Variants in FANCL observed in about 807,000 individuals in gnomAD.
The protein encoded by FANCL is FA complementation group L, also known as E3 ubiquitin-protein ligase FANCL.
FANCL carries 69 observed loss-of-function variants against 59.4 expected under a neutral mutation model. The ratio of observed to expected loss-of-function variants is 1.16; its 90% confidence interval spans 0.96 to 1.42. The LOEUF is 1.42. Among genes scored for constraint, FANCL ranks in the 40% most tolerant of loss-of-function variants. The pLI is 0.00. For synonymous variants in FANCL, 180 were observed against 147.1 expected, an observed-to-expected ratio of 1.22 and a Z score of -1.62; for missense variants, 519 against 447.2, an observed-to-expected ratio of 1.16 and a Z score of -1.45.
intron 3 of FANCL, among the ~76,000 whole-genome samples, chr2:58,229,281 T>C (rs1038186665): frequency 1.3e-5 from 2 of 152,124 alleles, no homozygotes; most frequent in African/African-American, 4.8e-5. Flanking sequence ...AGTAACTGAT[T>C]TTTTTTTCTA....
intron 12 of FANCL, 138 bp downstream of exon 12, chr2:58,161,384 A>G: frequency 1.4e-6 from 1 of 702,544 alleles, no homozygotes; most frequent in Non-Finnish European, 2.6e-6. Flanking sequence ...CATCTGGAAT[A>G]AACTGGTAAA....
intron 5 of FANCL, among the ~76,000 whole-genome samples, chr2:58,219,637 G>A (rs1692277965): frequency 2.0e-5 from 3 of 151,872 alleles, no homozygotes; most frequent in African/African-American, 2.4e-5. Context: ...GATATGAAGA[G>A]AAGAATCACA....
Position 58,193,466 on chromosome 2 carries a change from T to C in FANCL, c.540+5128A>G, listed in dbSNP as rs186888676. 4.6e-5 allele frequency among the ~76,000 whole-genome samples: 7 copies of C among 152,250 alleles called. No homozygotes were observed. In the East Asian group the frequency reaches 1.2e-3, roughly 25 times the overall value. On this transcript the variant is annotated intron_variant, in intron 7 of 13. Transcript: ENST00000233741. ...AGAAAAATAAAAGAAAGGCAGCTGATAGGTGACTAAGTCTATAGGTCAAAT... is the reference window on the plus strand; with the variant it reads ...AGAAAAATAAAAGAAAGGCAGCTGACAGGTGACTAAGTCTATAGGTCAAAT...
chr2:58,190,151 C>G (rs976328215), intron 7 of FANCL, among the ~76,000 whole-genome samples: 1 of 151,922 alleles, frequency 6.6e-6, no homozygotes. Context: ...CTGAATTTGT[C>G]TGGTCAAACA....
intron 6 of FANCL, among the ~76,000 whole-genome samples, chr2:58,202,807 A>T (rs1690178201): frequency 6.6e-6 from 1 of 151,942 alleles, no homozygotes; most frequent in Admixed American, 6.6e-5. Context: ...AGGTATAGTT[A>T]AAGGCAGCAC....
intron 5 of FANCL, among the ~76,000 whole-genome samples, chr2:58,219,171 A>AATATATATATATATAT (rs869094167): frequency 2.1e-4 from 4 of 19,262 alleles, no homozygotes; most frequent in Admixed American, 1.4e-3. Context: ...AAAAAAAAAA[A>AATATATATATATATAT]ATATATATAT....
At position 58,179,175 on chromosome 2, in the gene FANCL, T is replaced by C. The variant is rs572899334; in HGVS notation, c.541-13301A>G. 3.9e-5 allele frequency among the ~76,000 whole-genome samples: 6 copies of C among 152,244 alleles called. No individual in the cohort carries two copies. In the South Asian group the frequency reaches 1.2e-3, roughly 32 times the overall value. ...ATACTGCCCTAAGTAATTTATAGAT[T>C]CAATGCTATCCCCATCAATCTACCA... On this transcript the variant is annotated intron_variant, in intron 7 of 13. Coordinates refer to ENST00000233741, the MANE Select transcript of FANCL (RefSeq NM_018062.4).
chr2:58,237,995 CT>C (rs922571947), intron 1 of FANCL, among the ~76,000 whole-genome samples: 2 of 152,198 alleles, frequency 1.3e-5, no homozygotes, highest in African/African-American at 4.8e-5. Context: ...CTAAGGCCTC[CT>C]GTTAAGAGCA....
At chr2:58,232,222 G>C (rs1375408714) in intron 1 of FANCL, 110 bp from the exon 2 acceptor site, 2 of 907,984 alleles carry the variant, frequency 2.2e-6, no homozygotes, top group Middle Eastern at 2.3e-4. Flanking sequence ...TTTCTAAAAG[G>C]TATCAATTTT....
At chr2:58,161,119 T>C (rs543975704) in intron 12 of FANCL, among the ~76,000 whole-genome samples, 5 of 152,110 alleles carry the variant, frequency 3.3e-5, no homozygotes, top group East Asian at 3.9e-4. Context: ...TGAAAAGTAA[T>C]AGATACTACA....
chr2:58,172,795 T>C (rs1369124689), intron 7 of FANCL, among the ~76,000 whole-genome samples: 1 of 152,172 alleles, frequency 6.6e-6, no homozygotes, highest in Non-Finnish European at 1.5e-5. Flanking sequence ...GAGAATGACT[T>C]TGACGAGTTG....
chr2:58,200,697 A>G (rs1689920903), intron 6 of FANCL, among the ~76,000 whole-genome samples: 1 of 151,970 alleles, frequency 6.6e-6, no homozygotes, highest in Non-Finnish European at 1.5e-5. Flanking sequence ...AGGATTCAGT[A>G]TAGTAAATGG....
At chr2:58,162,418 T>C (rs888847206) in intron 11 of FANCL, among the ~76,000 whole-genome samples, 3 of 151,948 alleles carry the variant, frequency 2.0e-5, no homozygotes, top group Admixed American at 1.3e-4. Flanking sequence ...ATGACGTCAC[T>C]ACTGAAGACC....
chr2:58,204,213 C>G lies in FANCL; in HGVS notation c.388G>C (p.Asp130His). The change falls in exon 6 of 14, where the codon GAT becomes CAT. Residue 130 changes from aspartate to histidine, a missense_variant. Physicochemically the swap from Asp to His is moderately conservative, Grantham distance 81. Coordinates refer to ENST00000233741, the MANE Select transcript of FANCL (RefSeq NM_018062.4). The part of the protein sequence containing the change: ...TLGWDKLVYA[D>H]TCFSTIKLKA... Reference sequence around the variant, plus strand: ...AACTTGATGGTACTGAAGCAGGTATCCGCATACACAAGTCTGGTGAGCAGA... The same window carrying G: ...AACTTGATGGTACTGAAGCAGGTATGCGCATACACAAGTCTGGTGAGCAGA... 1 of 1,612,964 alleles carries G rather than the reference C, an allele frequency of 6.2e-7. No individual in the cohort carries two copies. Among genetic ancestry groups the G allele is most frequent in the South Asian group, 1.1e-5 (1 of 91,058 alleles).
chr2:58,169,496 C>T (rs1686316798), intron 7 of FANCL, among the ~76,000 whole-genome samples: 1 of 152,058 alleles, frequency 6.6e-6, no homozygotes, highest in South Asian at 2.1e-4. Context: ...AACACCTTTT[C>T]TCCAACGGAT....
chr2:58,240,233 A>C (rs1694395434), intron 1 of FANCL, among the ~76,000 whole-genome samples: 1 of 152,154 alleles, frequency 6.6e-6, no homozygotes, highest in Admixed American at 6.5e-5. Flanking sequence ...GGAAAGGTGG[A>C]TTAACTTTTT....
chr2:58,206,186 G>A (rs986403507), intron 5 of FANCL, among the ~76,000 whole-genome samples: 9 of 151,964 alleles, frequency 5.9e-5, no homozygotes, highest in African/African-American at 1.4e-4. Flanking sequence ...TTGAATGGAC[G>A]TGAAAGAGGT....
chr2:58,219,649 G>A (rs1179419318), intron 5 of FANCL, among the ~76,000 whole-genome samples: 1 of 151,504 alleles, frequency 6.6e-6, no homozygotes, highest in Non-Finnish European at 1.5e-5. Context: ...AGAATCACAG[G>A]AGAACAAAAG....
At chr2:58,191,127 T>TA (rs752435993) in intron 7 of FANCL, among the ~76,000 whole-genome samples, 224 of 145,518 alleles carry the variant, frequency 1.5e-3, no homozygotes, top group African/African-American at 4.8e-3. Flanking sequence ...CCCTGGATTA[T>TA]AAAAAAAAAA....
Sources: allele counts gnomAD v4.1 joint callset (sites outside exome capture counted in the v4.1 genomes callset), GRCh38; gene constraint gnomAD v4.1.1; transcripts MANE v1.5; gene names NCBI Gene and HGNC (gene_info 2026-07-23, HGNC 2026-07-21).